DENND2A: variants seen among roughly 807,000 people sequenced by gnomAD.
DENND2A encodes DENN domain containing 2A, also known as DENN domain-containing protein 2A.
Under a neutral mutation model 105.3 loss-of-function variants are expected in DENND2A, and 53 were observed. The observed-to-expected ratio is 0.50, with a 90% CI of 0.40 to 0.63. The LOEUF is 0.63. Among genes scored for constraint, DENND2A ranks in the 30% least tolerant of loss-of-function variants. DENND2A has a pLI of 0.00. For missense variants in DENND2A, 1,138 were observed against 1,279.6 expected (o/e 0.89, Z 1.69); for synonymous variants, 522 against 508.4 (o/e 1.03, Z -0.36).
At chr7:140,589,424 T>C (rs76992035) in intron 3 of DENND2A, among the ~76,000 whole-genome samples, 5,509 of 152,254 alleles carry the variant, frequency 0.036, 178 homozygotes, top group African/African-American at 0.093. Context: ...GGAGATGCTA[T>C]GAACCCTTAC....
chr7:140,525,813 G>A, intron 15 of DENND2A, 21 bp from the exon 16 acceptor site: 1 of 1,588,326 alleles, frequency 6.3e-7, no homozygotes, highest in South Asian at 1.2e-5. Flanking sequence ...AGACGAAAGG[G>A]ACTGTTACTG....
chr7:140,606,122 C>T (rs1799678996), intron 1 of DENND2A, among the ~76,000 whole-genome samples: 1 of 152,152 alleles, frequency 6.6e-6, no homozygotes, highest in African/African-American at 2.4e-5. Context: ...CTCACCGCAA[C>T]CTGCGCCTCC....
rs774695285 is a variant in DENND2A, at chr7:140,601,561, C to A, written c.837G>T (p.Gly279=). Residue 279 remains glycine (G), a synonymous_variant, in exon 3 of 20, where the codon GGG becomes GGT. Transcript: ENST00000496613. ...PRRTFKHAGE[G]DKDGKPGIGF... Reference sequence around the variant, plus strand: ...CGATGCCAGGCTTCCCATCTTTGTCCCCTTCTCCGGCATGTTTGAACGTTC... The same window carrying A: ...CGATGCCAGGCTTCCCATCTTTGTCACCTTCTCCGGCATGTTTGAACGTTC... 2 of 1,613,988 alleles carry A rather than the reference C, an allele frequency of 1.2e-6. No homozygotes were observed. Among genetic ancestry groups the A allele is most frequent in the African/African-American group, 2.7e-5 (2 of 74,902 alleles).
In DENND2A at chr7:140,601,421, T is replaced by G; in HGVS notation, c.977A>C (p.Lys326Thr). ...VNRRLWTGRQ[K>T]SSADHRKSYE... is the part of the protein sequence containing the mutation. ...CACCTACCTGTGGTCTGCACTGGAT[T>G]TCTGTCTCCCGGTCCACAGTCTTCT... Residue 326 changes from lysine (K) to threonine (T), a missense_variant, in exon 3 of 20, where the codon AAA (lysine) becomes ACA (threonine). By Grantham distance (78) the Lys-to-Thr change is moderately conservative (BLOSUM62 -1). This residue lies in a region of DENND2A where 511 missense variants were observed against 499.9 expected (regional missense o/e 1.02). Coordinates refer to ENST00000496613, the MANE Select transcript of DENND2A (RefSeq NM_015689.5). 1.2e-6 allele frequency: 2 copies of G among 1,602,394 alleles called. No individual in the cohort carries two copies. The highest frequency in any genetic ancestry group is 1.7e-6 in the Non-Finnish European group (2 of 1,174,726).
chr7:140,531,990 C>T (rs1032487727), intron 14 of DENND2A, among the ~76,000 whole-genome samples: 7 of 151,568 alleles, frequency 4.6e-5, no homozygotes, highest in South Asian at 2.1e-4. Flanking sequence ...GTGCTGGGCA[C>T]GGTGGCTCAC....
Position 140,601,435 on chromosome 7 carries a change from CCA to C in DENND2A, c.961_962del (p.Trp321AspfsTer15), listed in dbSNP as rs1563169988. ...PPPSSVNRRL[W>X]TGRQKSSADH... ...CTGCACTGGATTTCTGTCTCCCGGT[CCA>C]CAGTCTTCTGTTCACAGAGGAAGGT... On this transcript the variant is annotated frameshift_variant, in exon 3 of 20. Coordinates refer to ENST00000496613, the MANE Select transcript of DENND2A (RefSeq NM_015689.5). LOFTEE classifies it high-confidence loss of function. 1.9e-6 allele frequency: 3 copies of C among 1,609,820 alleles called. No individual in the cohort carries two copies. Among genetic ancestry groups the C allele is most frequent in the Admixed American group, 3.4e-5 (2 of 59,464 alleles).
chr7:140,539,666 G>A (rs1415400752), intron 14 of DENND2A, among the ~76,000 whole-genome samples: 2 of 152,230 alleles, frequency 1.3e-5, no homozygotes, highest in Non-Finnish European at 2.9e-5. Context: ...ATGTGACAGG[G>A]CCGTAGGGGG....
chr7:140,626,779 G>A (rs1299409145), intron 1 of DENND2A, among the ~76,000 whole-genome samples: 1 of 152,160 alleles, frequency 6.6e-6, no homozygotes, highest in Non-Finnish European at 1.5e-5. Flanking sequence ...AGAGGGAGAC[G>A]TCATCTTCCA....
chr7:140,594,365 G>A (rs1017870166), intron 3 of DENND2A, among the ~76,000 whole-genome samples: 10 of 152,146 alleles, frequency 6.6e-5, no homozygotes, highest in Non-Finnish European at 1.0e-4. Flanking sequence ...CCACACTCCT[G>A]CCTTGCAGTT....
chr7:140,533,378 CT>C (rs1378701813), intron 14 of DENND2A, among the ~76,000 whole-genome samples: 7 of 152,126 alleles, frequency 4.6e-5, no homozygotes, highest in African/African-American at 1.7e-4. Flanking sequence ...TGTACAGCCC[CT>C]TGGGGCTCCT....
At chr7:140,543,325 G>T (rs1465722676) in intron 14 of DENND2A, among the ~76,000 whole-genome samples, 4 of 149,648 alleles carry the variant, frequency 2.7e-5, no homozygotes, top group African/African-American at 7.4e-5. Flanking sequence ...GTAGAGATGG[G>T]GGTCTTACTG....
At chr7:140,540,268 G>A (rs1347267544) in intron 14 of DENND2A, among the ~76,000 whole-genome samples, 1 of 152,230 alleles carries the variant, frequency 6.6e-6, no homozygotes, top group Admixed American at 6.5e-5. Context: ...CCTGACATTT[G>A]GCAGCTGCTG....
At chr7:140,543,083 C>T (rs560742991) in intron 14 of DENND2A, among the ~76,000 whole-genome samples, 1 of 151,796 alleles carries the variant, frequency 6.6e-6, no homozygotes, top group South Asian at 2.1e-4. Flanking sequence ...TCTGTTACCC[C>T]ACTGCACTGA....
upstream of DENND2A, among the ~76,000 whole-genome samples, chr7:140,641,098 G>A (rs1253659888): frequency 1.3e-5 from 2 of 152,028 alleles, no homozygotes; most frequent in African/African-American, 4.8e-5. Flanking sequence ...AGACCTGGAC[G>A]TCCAAGCCTG....
At chr7:140,625,681 CAAAAACAAAAACA>C (rs1276388651) in intron 1 of DENND2A, among the ~76,000 whole-genome samples, 16 of 151,790 alleles carry the variant, frequency 1.1e-4, no homozygotes, top group Admixed American at 2.0e-4. Context: ...GACTCCGCCT[CAAAAACAAAAACA>C]AAAAACAAAA....
In DENND2A at chr7:140,625,435, T is replaced by C. The variant is rs182756716; in HGVS notation, c.-248+15069A>G. Among the ~76,000 whole-genome samples the C allele has an allele frequency of 1.4e-3, 220 of 151,858 alleles. 2 individuals carry two copies. The highest frequency in any genetic ancestry group is 5.2e-3 in the African/African-American group (214 of 41,378). On this transcript the variant is annotated intron_variant, in intron 1 of 19. Transcript: ENST00000496613. ...TGGCTCATGCCTGTAATCCCGGCACTTTGGGAGGCTGAGACAGGCAGATCA... is the reference window on the plus strand; with the variant it reads ...TGGCTCATGCCTGTAATCCCGGCACCTTGGGAGGCTGAGACAGGCAGATCA...
At chr7:140,540,910 A>G (rs1388351998) in intron 14 of DENND2A, among the ~76,000 whole-genome samples, 9 of 151,652 alleles carry the variant, frequency 5.9e-5, no homozygotes, top group Non-Finnish European at 2.9e-5. Context: ...TAGAGACGGG[A>G]TTTCACCATG....
upstream of DENND2A, chr7:140,641,304 G>C (rs960463471): frequency 7.2e-5 from 11 of 152,548 alleles, no homozygotes; most frequent in African/African-American, 2.7e-4. Flanking sequence ...GCCCAGGGCC[G>C]AGCGCGCTGC....
At position 140,567,118 on chromosome 7, in the gene DENND2A, C is replaced by G. The variant is rs374336112; in HGVS notation, c.1747G>C (p.Val583Leu). The G allele has an allele frequency of 9.3e-6, 15 of 1,604,612 alleles. No individual in the cohort carries two copies. Among genetic ancestry groups the G allele is most frequent in the Non-Finnish European group, 1.3e-5 (15 of 1,175,486 alleles). The stretch of plus-strand genomic sequence containing the variant: ...GGGAACTGTTGGGTGAGTTCTGGCA[C>G]GTAGGCAGCCCCGGCCTGCTTCTTG... ...LHKKQAGAAY[V>L]PELTQQFPLK... The change falls in exon 9 of 20, where the codon GTG becomes CTG. Residue 583 changes from valine to leucine, a missense_variant. Physicochemically the swap from Val to Leu is conservative, Grantham distance 32. Transcript: ENST00000496613.
Sources: allele counts gnomAD v4.1 joint callset (sites outside exome capture counted in the v4.1 genomes callset), GRCh38; gene constraint gnomAD v4.1.1; regional missense constraint gnomAD v4.1.1; transcripts MANE v1.5; gene names NCBI Gene and HGNC (gene_info 2026-07-23, HGNC 2026-07-21).